The following ADCY10 variants were observed in gnomAD, a reference collection of about 807,000 sequenced individuals.
ADCY10 encodes the protein adenylate cyclase 10.
ADCY10 carries 156 observed loss-of-function variants against 183.3 expected under a neutral mutation model. The observed-to-expected ratio is 0.85, with a 90% CI of 0.75 to 0.97. The LOEUF (loss-of-function observed/expected upper bound fraction) is 0.97. Ranked by LOEUF, ADCY10 falls within the 50% of genes least tolerant of loss-of-function variation. ADCY10 has a pLI of 0.00. For synonymous variants in ADCY10, 645 were observed against 670.0 expected, an observed-to-expected ratio of 0.96 and a Z score of 0.58; for missense variants, 1,745 against 1,934.3, an observed-to-expected ratio of 0.90 and a Z score of 1.84.
intron 7 of ADCY10, among the ~76,000 whole-genome samples, chr1:167,896,193 C>G (rs148486972): frequency 6.6e-6 from 1 of 151,894 alleles, no homozygotes; most frequent in African/African-American, 2.4e-5. Flanking sequence ...CATCAAGGTG[C>G]TTGCAATCAA....
intron 1 of ADCY10, among the ~76,000 whole-genome samples, chr1:167,906,847 A>C (rs1669857191): frequency 6.6e-6 from 1 of 152,118 alleles, no homozygotes; most frequent in Non-Finnish European, 1.5e-5. Flanking sequence ...GTCGAGAATG[A>C]AAGACTTACA....
chr1:167,829,724 T>C (rs1252868092), intron 25 of ADCY10, among the ~76,000 whole-genome samples: 1 of 152,240 alleles, frequency 6.6e-6, no homozygotes, highest in African/African-American at 2.4e-5. Flanking sequence ...ATATTATTCA[T>C]CACATTTGAT....
At chr1:167,879,537 C>T (rs1199301022) in intron 11 of ADCY10, among the ~76,000 whole-genome samples, 1 of 152,148 alleles carries the variant, frequency 6.6e-6, no homozygotes, top group African/African-American at 2.4e-5. Flanking sequence ...CCTGCCCCAT[C>T]CTCACCCCCA....
rs145034442 is a variant in ADCY10 at position 167,840,616 on chromosome 1, A to G, written c.3008-3298T>C. Among the ~76,000 whole-genome samples the G allele has an allele frequency of 5.6e-4, 86 of 152,228 alleles. 1 individual carries two copies. The East Asian group carries it at 0.015, about 26-fold the overall frequency. The stretch of plus-strand genomic sequence containing the variant: ...TGTGATCTGCCTGCCTCGGCCTCAC[A>G]AAGTGCTGCAATTACAGGCATGAGC... On this transcript the variant is annotated intron_variant, in intron 21 of 32. Transcript: ENST00000367851.
At chr1:167,854,583 C>T in intron 17 of ADCY10, 94 bp from the exon 18 acceptor site, 2 of 1,454,662 alleles carry the variant, frequency 1.4e-6, no homozygotes, top group Non-Finnish European at 1.9e-6. Context: ...AAAATAATTT[C>T]TTGTCATTCT....
At chr1:167,818,391 G>T in intron 30 of ADCY10, 124 bp from the exon 31 acceptor site, 1 of 848,686 alleles carries the variant, frequency 1.2e-6, no homozygotes, top group Non-Finnish European at 2.0e-6. Flanking sequence ...GTAGTCTCCT[G>T]CCTACCCCTG....
intron 6 of ADCY10, 88 bp from the exon 7 acceptor site, chr1:167,896,779 C>T (rs1669006994): frequency 5.5e-6 from 5 of 913,142 alleles, no homozygotes; most frequent in Admixed American, 5.2e-5. Context: ...AGAGAGTATG[C>T]TTTTGACTGA....
At chr1:167,821,909 C>T (rs1571218411) in intron 30 of ADCY10, 115 bp downstream of exon 30, 2 of 776,104 alleles carry the variant, frequency 2.6e-6, no homozygotes, top group South Asian at 2.9e-5. Context: ...CTCTGACACC[C>T]TTAAGCTGTC....
Position 167,853,688 on chromosome 1 carries a change from G to A in ADCY10, c.2308+665C>T, listed in dbSNP as rs58074147. On this transcript the variant is annotated intron_variant, in intron 18 of 32. Coordinates refer to ENST00000367851, the MANE Select transcript of ADCY10 (RefSeq NM_018417.6). ...ATCCCTGTATATATCTGTGTAGCAC[G>A]GGATCTTTGTTGATAACTCACTTCG... Among the ~76,000 whole-genome samples, 240 of 152,086 alleles carry A rather than the reference G, an allele frequency of 1.6e-3. 2 individuals are homozygous for A. Among genetic ancestry groups the A allele is most frequent in the African/African-American group, 5.7e-3 (236 of 41,470 alleles).
intron 23 of ADCY10, 26 bp downstream of exon 23, chr1:167,836,283 A>T (rs1304565321): frequency 6.8e-7 from 1 of 1,464,438 alleles, no homozygotes; most frequent in Non-Finnish European, 9.6e-7. Context: ...TCTAGGGTGG[A>T]GGTGGTCTGG....
intron 12 of ADCY10, among the ~76,000 whole-genome samples, chr1:167,876,477 A>G (rs530354989): frequency 3.3e-5 from 5 of 152,228 alleles, no homozygotes; most frequent in African/African-American, 1.2e-4. Context: ...CTGAACTACA[A>G]TACTACTTTG....
chr1:167,905,585 C>T (rs1481721458), intron 1 of ADCY10, among the ~76,000 whole-genome samples: 1 of 147,948 alleles, frequency 6.8e-6, no homozygotes, highest in Admixed American at 6.7e-5. Flanking sequence ...TGGTCTTTTA[C>T]TTTTTTCTCT....
rs148216539 is a variant in ADCY10 at position 167,854,425 on chromosome 1, G to T, written c.2236C>A (p.His746Asn). The T allele has an allele frequency of 6.2e-7, 1 of 1,614,056 alleles. No homozygotes were observed. The highest frequency in any genetic ancestry group is 1.7e-5 in the Admixed American group (1 of 60,034). The part of the protein sequence containing the change: ...YCEELLKNLE[H>N]HEVLVFQQTE... ...TGTTGGAAAACGAGTACCTCATGAT[G>T]TTCCAGGTTTTTAAGCAATTCTTCA... is the stretch of plus-strand genomic sequence containing the variant. The change falls in exon 18 of 33, where the codon CAT becomes AAT. Residue 746 changes from histidine (H) to asparagine (N), a missense_variant. Coordinates refer to ENST00000367851, the MANE Select transcript of ADCY10 (RefSeq NM_018417.6).
intron 1 of ADCY10, 110 bp from the exon 2 acceptor site, chr1:167,905,308 A>G (rs1375016131): frequency 3.0e-5 from 25 of 841,662 alleles, no homozygotes; most frequent in African/African-American, 5.1e-5. Context: ...ATAGTGGTGA[A>G]AATGCCAGAG....
intron 23 of ADCY10, among the ~76,000 whole-genome samples, chr1:167,835,734 C>CA (rs1027032442): frequency 1.3e-5 from 2 of 152,018 alleles, no homozygotes; most frequent in African/African-American, 4.8e-5. Flanking sequence ...ACCAAGAACA[C>CA]AAAAAATTAG....
At chr1:167,903,830 A>G in intron 3 of ADCY10, 57 bp downstream of exon 3, 3 of 1,292,834 alleles carry the variant, frequency 2.3e-6, no homozygotes, top group Middle Eastern at 1.8e-4. Context: ...ATTGACAACT[A>G]CGGAAAAAAC....
chr1:167,865,844 T>C (rs1042213867), intron 14 of ADCY10, among the ~76,000 whole-genome samples: 2 of 152,194 alleles, frequency 1.3e-5, no homozygotes, highest in Non-Finnish European at 2.9e-5. Context: ...TCCACTAAAG[T>C]GGTCCTCCAG....
rs548471368 is a variant in ADCY10, at chr1:167,895,109, G to A, written c.740-1168C>T. Among the ~76,000 whole-genome samples the A allele has an allele frequency of 4.0e-4, 61 of 151,574 alleles. No homozygotes were observed. The South Asian group carries it at 0.011, about 28-fold the overall frequency. Reference sequence around the variant, plus strand: ...AGGCAGGAGAATCGCTTGAACCCGGGAGGCAGAGGTTGCAGTGAGCCCATA... The same window carrying A: ...AGGCAGGAGAATCGCTTGAACCCGGAAGGCAGAGGTTGCAGTGAGCCCATA... On this transcript the variant is annotated intron_variant, in intron 7 of 32. Transcript: ENST00000367851.
At position 167,905,004 on chromosome 1, in the gene ADCY10, A is replaced by G. The variant is rs751591067; in HGVS notation, c.137T>C (p.Val46Ala). The change falls in exon 2 of 33, where the codon GTT (valine) becomes GCT (alanine). Residue 46 changes from valine to alanine, a missense_variant. Transcript: ENST00000367851. Reference sequence around the variant, plus strand: ...CCTTTTGCACTTGCCTGAAATATCAACAAACATCAGGACTCCGTCAAAATA... The same window carrying G: ...CCTTTTGCACTTGCCTGAAATATCAGCAAACATCAGGACTCCGTCAAAATA... ...MDYFDGVLMF[V>A]DISGFTAMTE... is the part of the protein sequence containing the mutation. The G allele has an allele frequency of 8.7e-6, 14 of 1,614,088 alleles. 1 individual carries two copies. In the South Asian group the frequency reaches 1.3e-4, roughly 15 times the overall value.
Sources: allele counts gnomAD v4.1 joint callset (sites outside exome capture counted in the v4.1 genomes callset), GRCh38; gene constraint gnomAD v4.1.1; transcripts MANE v1.5; gene names NCBI Gene and HGNC (gene_info 2026-07-23, HGNC 2026-07-21).